The following PTPRT variants were observed in gnomAD, a reference collection of about 807,000 sequenced individuals.
The protein encoded by PTPRT is receptor-type tyrosine-protein phosphatase T.
A neutral mutation model predicts 176.8 loss-of-function variants in PTPRT; 56 were observed. The observed-to-expected ratio is 0.32, with a 90% CI of 0.26 to 0.40. The LOEUF (loss-of-function observed/expected upper bound fraction) is 0.40. Among genes scored for constraint, PTPRT ranks in the 10% least tolerant of loss-of-function variants. The probability of loss-of-function intolerance (pLI) is 1.00; values close to 1 mark genes in which losing one functional copy is unlikely to be tolerated. For missense variants in PTPRT, 1,540 were observed against 1,908.2 expected (o/e 0.81, Z 3.60); for synonymous variants, 783 against 739.0 (o/e 1.06, Z -0.96).
intron 7 of PTPRT, among the ~76,000 whole-genome samples, chr20:42,587,208 T>C (rs2073486117): frequency 1.3e-5 from 2 of 152,210 alleles, no homozygotes; most frequent in South Asian, 4.1e-4. Flanking sequence ...TGACAAACTC[T>C]AGCCCATACT....
intron 9 of PTPRT, among the ~76,000 whole-genome samples, chr20:42,434,556 A>G (rs922652708): frequency 6.6e-6 from 1 of 151,662 alleles, no homozygotes; most frequent in African/African-American, 2.4e-5. Context: ...TGGTCCTATA[A>G]GGTCATATAT....
intron 1 of PTPRT, among the ~76,000 whole-genome samples, chr20:42,932,238 G>C (rs1979902949): frequency 6.6e-6 from 1 of 152,222 alleles, no homozygotes; most frequent in Non-Finnish European, 1.5e-5. Context: ...AAGCCTAGGG[G>C]AAATCTGGAC....
chr20:42,403,714 G>A (rs560422854), intron 9 of PTPRT, among the ~76,000 whole-genome samples: 1 of 152,196 alleles, frequency 6.6e-6, no homozygotes, highest in Admixed American at 6.5e-5. Context: ...GCAGGGACTT[G>A]GACCTGTGGG....
At chr20:42,566,032 A>G (rs774722928) in intron 7 of PTPRT, among the ~76,000 whole-genome samples, 7 of 152,046 alleles carry the variant, frequency 4.6e-5, no homozygotes, top group Non-Finnish European at 8.8e-5. Context: ...TATATTTCCT[A>G]CCCTATGTTG....
chr20:42,159,208 T>C (rs375021259), intron 17 of PTPRT, among the ~76,000 whole-genome samples: 13 of 151,952 alleles, frequency 8.6e-5, no homozygotes, highest in African/African-American at 1.7e-4. Flanking sequence ...TTCTTTCTTT[T>C]TTTTTTTTCA....
chr20:42,970,058 C>T (rs1259546405), intron 1 of PTPRT, among the ~76,000 whole-genome samples: 1 of 152,102 alleles, frequency 6.6e-6, no homozygotes, highest in East Asian at 1.9e-4. Context: ...CCAGAGCTGG[C>T]CCGGTTAATC....
At chr20:42,083,136 A>AAAAAAAAAAAG (rs146913637) in intron 29 of PTPRT, among the ~76,000 whole-genome samples, 4 of 130,156 alleles carry the variant, frequency 3.1e-5, no homozygotes, top group East Asian at 2.6e-4. Flanking sequence ...AAAAAAAAAA[A>AAAAAAAAAAAG]GCAGGCTAAA....
At chr20:42,957,852 G>A (rs183235652) in intron 1 of PTPRT, among the ~76,000 whole-genome samples, 87 of 152,198 alleles carry the variant, frequency 5.7e-4, no homozygotes, top group Non-Finnish European at 8.7e-4. Context: ...AGGAAAGTTG[G>A]TAATTGAGAT....
chr20:42,724,221 T>C (rs2076344174), intron 6 of PTPRT, among the ~76,000 whole-genome samples: 1 of 152,202 alleles, frequency 6.6e-6, no homozygotes, highest in Non-Finnish European at 1.5e-5. Flanking sequence ...GAGATCAATC[T>C]TATGAAGAAA....
intron 6 of PTPRT, among the ~76,000 whole-genome samples, chr20:42,693,826 A>T (rs891975882): frequency 8.8e-4 from 134 of 152,272 alleles, no homozygotes; most frequent in African/African-American, 3.1e-3. Context: ...AAAGTGGACC[A>T]CAAGGGTTTC....
intron 9 of PTPRT, among the ~76,000 whole-genome samples, chr20:42,442,694 A>G (rs1383051291): frequency 6.6e-6 from 1 of 152,190 alleles, no homozygotes; most frequent in African/African-American, 2.4e-5. Context: ...TTCTGGCCCA[A>G]TTCCCTCACA....
At position 42,540,665 on chromosome 20, in the gene PTPRT, T is replaced by A. The variant is rs961326224; in HGVS notation, c.1154-68103A>T. Among the ~76,000 whole-genome samples the A allele has an allele frequency of 3.3e-5, 5 of 151,972 alleles. No individual in the cohort carries two copies. The East Asian group carries it at 7.7e-4, about 23-fold the overall frequency. On this transcript the variant is annotated intron_variant, in intron 7 of 30. Coordinates refer to ENST00000373187, the MANE Select transcript of PTPRT (RefSeq NM_007050.6). ...CAAAGTGTTGGGGCTGAATTAGTAA[T>A]AAAAACATAAAAATGAAGCAAACAA...
chr20:42,152,582 C>A (rs1267662012), intron 17 of PTPRT, among the ~76,000 whole-genome samples: 2 of 152,212 alleles, frequency 1.3e-5, no homozygotes, highest in African/African-American at 4.8e-5. Context: ...AAATTCCCTG[C>A]CTTCAAGAAG....
At chr20:42,810,283 A>G (rs965099747) in intron 2 of PTPRT, among the ~76,000 whole-genome samples, 1 of 152,062 alleles carries the variant, frequency 6.6e-6, no homozygotes, top group African/African-American at 2.4e-5. Context: ...TCTGGCTGAC[A>G]GAGTGAGGCT....
the PTPRT span, among the ~76,000 whole-genome samples, chr20:42,050,551 T>C: frequency 6.6e-6 from 1 of 152,180 alleles, no homozygotes; most frequent in Non-Finnish European, 1.5e-5. Flanking sequence ...GGACCATGTA[T>C]TGGCCTCATG....
rs75375822 is a variant in PTPRT, at chr20:42,464,337, C to T, written c.1450+7929G>A. 8.1e-3 allele frequency among the ~76,000 whole-genome samples: 1,237 copies of T among 152,206 alleles called. 11 individuals carry two copies. The highest frequency in any genetic ancestry group is 0.014 in the Middle Eastern group (4 of 294). ...CTATTCCCATTAAGCTTATATCCCT[C>T]AAAGAGAGATAATAAAGTAATCAAT... On this transcript the variant is annotated intron_variant, in intron 8 of 30. Transcript: ENST00000373187.
intron 1 of PTPRT, among the ~76,000 whole-genome samples, chr20:43,014,772 G>C (rs761194304): frequency 7.2e-5 from 11 of 152,124 alleles, no homozygotes; most frequent in Non-Finnish European, 8.8e-5. Flanking sequence ...CTGGATTTTG[G>C]AAATAAAAAG....
intron 9 of PTPRT, among the ~76,000 whole-genome samples, chr20:42,411,172 T>C (rs1415662283): frequency 6.6e-6 from 1 of 152,044 alleles, no homozygotes; most frequent in Non-Finnish European, 1.5e-5. Context: ...ACGCCAGGCA[T>C]GGAGGCTCAT....
chr20:43,086,267 C>A (rs971116571), intron 1 of PTPRT, among the ~76,000 whole-genome samples: 76 of 152,312 alleles, frequency 5.0e-4, no homozygotes, highest in Middle Eastern at 3.4e-3. Flanking sequence ...GAGGCAAGGG[C>A]GCCCTCACTC....
Sources: allele counts gnomAD v4.1 joint callset (sites outside exome capture counted in the v4.1 genomes callset), GRCh38; gene constraint gnomAD v4.1.1; transcripts MANE v1.5; gene names NCBI Gene and HGNC (gene_info 2026-07-23, HGNC 2026-07-21).